Variants in JAZF1 observed in about 807,000 individuals in gnomAD.
The protein encoded by JAZF1 is JAZF zinc finger 1.
A neutral mutation model predicts 26.4 loss-of-function variants in JAZF1; 8 were observed. That is an observed-to-expected ratio of 0.30 (90% confidence interval 0.18 to 0.55). The LOEUF (loss-of-function observed/expected upper bound fraction) is 0.55, where lower values mean the gene tolerates loss of function less well. Ranked by LOEUF, JAZF1 falls within the 20% of genes least tolerant of loss-of-function variation. JAZF1 has a pLI of 0.94. For missense variants in JAZF1, 199 were observed against 322.0 expected (o/e 0.62, Z 2.92); for synonymous variants, 126 against 122.3 (o/e 1.03, Z -0.20).
At chr7:28,164,315 GATC>G (rs1583593912) in intron 1 of JAZF1, among the ~76,000 whole-genome samples, 1 of 152,226 alleles carries the variant, frequency 6.6e-6, no homozygotes, top group East Asian at 1.9e-4. Flanking sequence ...AGCAGCAGCT[GATC>G]ATCATTTTAA....
At chr7:27,906,253 T>C (rs1329307344) in intron 2 of JAZF1, among the ~76,000 whole-genome samples, 1 of 128,606 alleles carries the variant, frequency 7.8e-6, no homozygotes, top group Non-Finnish European at 1.7e-5. Context: ...AGGTGCTGGA[T>C]GCCCCCGTTC....
At chr7:28,096,357 T>G (rs1784384619) in intron 1 of JAZF1, among the ~76,000 whole-genome samples, 1 of 152,278 alleles carries the variant, frequency 6.6e-6, no homozygotes, top group Non-Finnish European at 1.5e-5. Context: ...CTGTTAATTC[T>G]CTGAAGGTTA....
chr7:28,020,555 T>G (rs1273074161), intron 1 of JAZF1: 2 of 471,150 alleles, frequency 4.2e-6, no homozygotes, highest in African/African-American at 4.0e-5. Context: ...ACACTTACGT[T>G]GTCCTACGGC....
chr7:28,136,670 GAGTCTT>G, intron 1 of JAZF1, among the ~76,000 whole-genome samples: 1 of 152,350 alleles, frequency 6.6e-6, no homozygotes, highest in African/African-American at 2.4e-5. Context: ...ATGAATAACA[GAGTCTT>G]TGTCCTTACG....
At chr7:27,846,488 G>A (rs1386630571) in intron 3 of JAZF1, 3 of 470,930 alleles carry the variant, frequency 6.4e-6, no homozygotes, top group South Asian at 4.6e-5. Context: ...ATTCTTGTCT[G>A]CTGTAATGCT....
intron 1 of JAZF1, among the ~76,000 whole-genome samples, chr7:28,095,904 T>C (rs1310145025): frequency 1.3e-5 from 2 of 152,234 alleles, no homozygotes; most frequent in African/African-American, 2.4e-5. Flanking sequence ...CCTCTTGCTG[T>C]GTCCTCACAC....
intron 2 of JAZF1, among the ~76,000 whole-genome samples, chr7:27,942,903 T>C (rs962548919): frequency 2.6e-5 from 4 of 152,042 alleles, no homozygotes; most frequent in African/African-American, 7.2e-5. Context: ...GGGCAAGGGG[T>C]GCTGGGAGTG....
At chr7:28,040,545 A>C (rs1305970626) in intron 1 of JAZF1, among the ~76,000 whole-genome samples, 1 of 152,144 alleles carries the variant, frequency 6.6e-6, no homozygotes, top group African/African-American at 2.4e-5. Flanking sequence ...AGAGAGAGGG[A>C]TACACGGTGC....
At chr7:27,997,137 G>GGA (rs565978565) in intron 1 of JAZF1, among the ~76,000 whole-genome samples, 410 of 152,256 alleles carry the variant, frequency 2.7e-3, no homozygotes, top group Middle Eastern at 0.01. Context: ...CTGCAGTGGG[G>GGA]GAGACCCACA....
At chr7:28,106,196 TCC>T (rs1784550943) in intron 1 of JAZF1, among the ~76,000 whole-genome samples, 1 of 152,152 alleles carries the variant, frequency 6.6e-6, no homozygotes, top group African/African-American at 2.4e-5. Flanking sequence ...TACAAATAAA[TCC>T]CCTAGTATTG....
Position 27,895,199 on chromosome 7 carries a change from C to T in JAZF1, c.385+21G>A, listed in dbSNP as rs372181636. 183 of 1,527,460 alleles carry T rather than the reference C, an allele frequency of 1.2e-4. 1 individual carries two copies. Among genetic ancestry groups the T allele is most frequent in the South Asian group, 6.9e-4 (56 of 80,744 alleles). The allele number at this position is 1,527,460 out of a possible 1,614,324, so 94.6% of individuals were successfully genotyped here. On this transcript the variant is annotated intron_variant, in intron 3 of 4. Transcript: ENST00000283928. ...TTCTCCCCTCTCCTCCTTCTCAAGG[C>T]GGTAGGGCCAGGCCACTCACCTGTC...
At chr7:27,973,756 G>A (rs1785418638) in intron 2 of JAZF1, among the ~76,000 whole-genome samples, 2 of 152,228 alleles carry the variant, frequency 1.3e-5, no homozygotes, top group South Asian at 4.1e-4. Context: ...GGAGTACGCT[G>A]CAAGCCAAGG....
intron 3 of JAZF1, among the ~76,000 whole-genome samples, chr7:27,890,307 T>C (rs1031505747): frequency 1.3e-5 from 2 of 152,214 alleles, no homozygotes; most frequent in African/African-American, 4.8e-5. Flanking sequence ...CAACCGGCTA[T>C]CTGGAGTCAG....
At chr7:28,029,962 C>T (rs1028890437) in intron 1 of JAZF1, among the ~76,000 whole-genome samples, 1 of 152,188 alleles carries the variant, frequency 6.6e-6, no homozygotes, top group Non-Finnish European at 1.5e-5. Flanking sequence ...GTTAAAGCAT[C>T]CTTACTTTCA....
At chr7:27,902,948 G>A (rs999571928) in intron 2 of JAZF1, among the ~76,000 whole-genome samples, 9 of 151,210 alleles carry the variant, frequency 6.0e-5, no homozygotes, top group Admixed American at 3.9e-4. Flanking sequence ...CCTGGGAGGC[G>A]GAGCCTGCAG....
chr7:27,873,455 C>A (rs1783620780), intron 3 of JAZF1, among the ~76,000 whole-genome samples: 1 of 152,196 alleles, frequency 6.6e-6, no homozygotes, highest in African/African-American at 2.4e-5. Flanking sequence ...CCCAACACAC[C>A]AGTTCACTGG....
intron 2 of JAZF1, among the ~76,000 whole-genome samples, chr7:27,984,960 AG>A (rs1254910829): frequency 2.6e-5 from 4 of 152,254 alleles, no homozygotes; most frequent in Non-Finnish European, 4.4e-5. Context: ...AGCAGTGTTT[AG>A]GGGGAAATTT....
At chr7:28,170,447 G>A (rs369727631) in intron 1 of JAZF1, among the ~76,000 whole-genome samples, 2 of 151,444 alleles carry the variant, frequency 1.3e-5, no homozygotes, top group African/African-American at 4.9e-5. Flanking sequence ...TTTGTCAGGA[G>A]AACCTATCCC....
At position 28,165,039 on chromosome 7, in the gene JAZF1, C is replaced by T. The variant is rs144224294; in HGVS notation, c.115+15424G>A. ...TAAAAATCAGTCAGGTGTGGTGGTGCGCACCTGTAGTCCCAGATACTCAGG... is the reference window on the plus strand; with the variant it reads ...TAAAAATCAGTCAGGTGTGGTGGTGTGCACCTGTAGTCCCAGATACTCAGG... On this transcript the variant is annotated intron_variant, in intron 1 of 4. Coordinates refer to ENST00000283928, the MANE Select transcript of JAZF1 (RefSeq NM_175061.4). 7.0e-4 allele frequency among the ~76,000 whole-genome samples: 106 copies of T among 152,082 alleles called. 1 individual carries two copies. In the East Asian group the frequency reaches 0.016, roughly 23 times the overall value.
Sources: allele counts gnomAD v4.1 joint callset (sites outside exome capture counted in the v4.1 genomes callset), GRCh38; gene constraint gnomAD v4.1.1; transcripts MANE v1.5; gene names NCBI Gene and HGNC (gene_info 2026-07-23, HGNC 2026-07-21).